The following TENM4 variants were observed in gnomAD, a reference collection of about 807,000 sequenced individuals.
TENM4 encodes teneurin transmembrane protein 4.
Under a neutral mutation model 243.3 loss-of-function variants are expected in TENM4, and 82 were observed. The ratio of observed to expected loss-of-function variants is 0.34; its 90% CI spans 0.28 to 0.40. The LOEUF (loss-of-function observed/expected upper bound fraction) is 0.40, where lower values mean the gene tolerates loss of function less well. Ranked by LOEUF, TENM4 falls within the 10% of genes least tolerant of loss-of-function variation. The pLI is 1.00. For synonymous variants in TENM4, 1,412 were observed against 1,456.3 expected (o/e 0.97, Z 0.69); for missense variants, 3,138 against 3,673.3 (o/e 0.85, Z 3.77).
chr11:78,916,398 G>T (rs1218434469), intron 6 of TENM4, among the ~76,000 whole-genome samples: 2 of 152,046 alleles, frequency 1.3e-5, no homozygotes, highest in African/African-American at 4.8e-5. Context: ...TATGCTATAG[G>T]GTCTCCAAGG....
At chr11:79,223,109 A>C (rs1864195904) in intron 2 of TENM4, among the ~76,000 whole-genome samples, 1 of 152,174 alleles carries the variant, frequency 6.6e-6, no homozygotes, top group Non-Finnish European at 1.5e-5. Context: ...ACAAACCTGC[A>C]CATCCTGCAC....
At chr11:79,207,094 G>A (rs1040674019) in intron 3 of TENM4, among the ~76,000 whole-genome samples, 2 of 152,156 alleles carry the variant, frequency 1.3e-5, no homozygotes, top group African/African-American at 2.4e-5. Flanking sequence ...ATCGGCTGTG[G>A]GACAGGGGCA....
chr11:79,137,908 G>A (rs1385217643), intron 4 of TENM4, among the ~76,000 whole-genome samples: 2 of 152,010 alleles, frequency 1.3e-5, no homozygotes, highest in African/African-American at 2.4e-5. Flanking sequence ...GGTTCAGGTT[G>A]ACAAGGGGTG....
At chr11:79,099,175 C>T (rs143239194) in intron 4 of TENM4, among the ~76,000 whole-genome samples, 2 of 152,206 alleles carry the variant, frequency 1.3e-5, no homozygotes, top group African/African-American at 2.4e-5. Context: ...TCCTGGGGGT[C>T]TCTGGTTTGC....
chr11:79,023,804 C>G (rs913959016), intron 6 of TENM4, among the ~76,000 whole-genome samples: 2 of 152,114 alleles, frequency 1.3e-5, no homozygotes, highest in Non-Finnish European at 2.9e-5. Context: ...TGGGCCAATA[C>G]TGGGGAACAA....
In TENM4 at chr11:78,755,089, G is replaced by A. The variant is rs563562457; in HGVS notation, c.2756+1716C>T. Among the ~76,000 whole-genome samples, 170 of 152,304 alleles carry A rather than the reference G, an allele frequency of 1.1e-3. 5 individuals are homozygous for A. The highest frequency in any genetic ancestry group is 3.9e-3 in the African/African-American group (162 of 41,574). The stretch of plus-strand genomic sequence containing the variant: ...TTGTCACCCTCTGGGGATGACAGCA[G>A]CTGCCTCACAGGGAGGCTCCCCATG... On this transcript the variant is annotated intron_variant, in intron 19 of 33. Coordinates refer to ENST00000278550, the MANE Select transcript of TENM4 (RefSeq NM_001098816.3).
At chr11:78,713,019 G>C (rs904379090) in intron 25 of TENM4, among the ~76,000 whole-genome samples, 1 of 152,180 alleles carries the variant, frequency 6.6e-6, no homozygotes, top group African/African-American at 2.4e-5. Flanking sequence ...GTTTGTATCA[G>C]GTGCTAAATA....
chr11:78,955,188 G>A (rs1857183029), intron 6 of TENM4, among the ~76,000 whole-genome samples: 1 of 152,208 alleles, frequency 6.6e-6, no homozygotes, highest in Non-Finnish European at 1.5e-5. Flanking sequence ...GCATCTCCCT[G>A]AGCCTGTTTC....
intron 2 of TENM4, among the ~76,000 whole-genome samples, chr11:79,217,470 C>G (rs57719756): frequency 6.6e-6 from 1 of 152,140 alleles, no homozygotes; most frequent in Non-Finnish European, 1.5e-5. Context: ...CCAAATAGAT[C>G]TAGGATCCTA....
intron 2 of TENM4, among the ~76,000 whole-genome samples, chr11:79,235,897 G>T (rs1408963309): frequency 6.6e-6 from 1 of 151,694 alleles, no homozygotes; most frequent in Non-Finnish European, 1.5e-5. Context: ...AACTTGTTTT[G>T]CTTGTTTAGA....
chr11:79,440,449 G>GGCGAGGCGTCGCCGCGGTCC lies in TENM4; in HGVS notation c.-321+40_-321+59dup, dbSNP rs1859379894. On this transcript the variant is annotated intron_variant, in intron 1 of 33. Coordinates refer to ENST00000278550, the MANE Select transcript of TENM4 (RefSeq NM_001098816.3). The surrounding 1 kb of genome is among the most constrained non-coding windows in gnomAD (Gnocchi z 4.7). Reference sequence around the variant, plus strand: ...CAGCAGTGCAGAGGGCGATGGAGCTGGCGAGGCGTCGCCGCGGTCCCCAAG... The same window carrying GGCGAGGCGTCGCCGCGGTCC: ...CAGCAGTGCAGAGGGCGATGGAGCTGGCGAGGCGTCGCCGCGGTCCGCGAGGCGTCGCCGCGGTCCCCAAG... The GGCGAGGCGTCGCCGCGGTCC allele has an allele frequency of 6.6e-6, 1 of 152,348 alleles. No homozygotes were observed. Among genetic ancestry groups the GGCGAGGCGTCGCCGCGGTCC allele is most frequent in the Admixed American group, 6.5e-5 (1 of 15,294 alleles). The allele number at this position is 152,348 out of a possible 1,614,324, so 9.4% of individuals were successfully genotyped here.
intron 1 of TENM4, among the ~76,000 whole-genome samples, chr11:79,414,184 G>GCA (rs990510523): frequency 7.5e-6 from 1 of 132,638 alleles, no homozygotes; most frequent in Non-Finnish European, 1.7e-5. Context: ...ACACACACAC[G>GCA]CACACAAACA....
intron 4 of TENM4, among the ~76,000 whole-genome samples, chr11:79,143,876 A>T (rs1023537374): frequency 1.3e-5 from 2 of 151,890 alleles, no homozygotes; most frequent in Admixed American, 1.3e-4. Context: ...ACTCTCCAGG[A>T]CACTGGACTA....
chr11:78,982,144 G>A (rs910094115), intron 6 of TENM4, among the ~76,000 whole-genome samples: 1 of 152,146 alleles, frequency 6.6e-6, no homozygotes, highest in African/African-American at 2.4e-5. Context: ...GGCATCCTCA[G>A]TCTCCCTCCA....
At chr11:79,301,021 C>T (rs1856541728) in intron 1 of TENM4, among the ~76,000 whole-genome samples, 1 of 152,088 alleles carries the variant, frequency 6.6e-6, no homozygotes, top group African/African-American at 2.4e-5. Context: ...TGGCTCCTTT[C>T]CCTCCCTCTC....
chr11:78,998,502 T>C (rs1858232367), intron 6 of TENM4, among the ~76,000 whole-genome samples: 2 of 152,132 alleles, frequency 1.3e-5, no homozygotes, highest in South Asian at 4.1e-4. Context: ...AAATAACTAT[T>C]TTAATTTTCT....
intron 29 of TENM4, among the ~76,000 whole-genome samples, chr11:78,683,738 C>A (rs1211841932): frequency 6.6e-6 from 1 of 151,794 alleles, no homozygotes; most frequent in East Asian, 1.9e-4. Flanking sequence ...CACCCATCTT[C>A]TGCGTCGCTC....
intron 3 of TENM4, among the ~76,000 whole-genome samples, chr11:79,209,317 A>G (rs1369798143): frequency 6.6e-6 from 1 of 152,238 alleles, no homozygotes; most frequent in East Asian, 1.9e-4. Context: ...GGGAAAGGGC[A>G]GAATTCCACA....
chr11:78,982,998 C>T (rs183843206), intron 6 of TENM4, among the ~76,000 whole-genome samples: 2 of 152,318 alleles, frequency 1.3e-5, no homozygotes, highest in East Asian at 3.9e-4. Flanking sequence ...TGACCTTTCC[C>T]GAGGCACTTG....
Sources: allele counts gnomAD v4.1 joint callset (sites outside exome capture counted in the v4.1 genomes callset), GRCh38; gene constraint gnomAD v4.1.1; non-coding constraint Gnocchi (gnomAD v3.1); transcripts MANE v1.5; gene names NCBI Gene and HGNC (gene_info 2026-07-23, HGNC 2026-07-21).